The following TNC variants were observed in gnomAD, a reference collection of about 807,000 sequenced individuals.
The protein encoded by TNC is tenascin C, also known as tenascin.
A neutral mutation model predicts 202.4 loss-of-function variants in TNC; 109 were observed. That is an observed-to-expected ratio of 0.54 (90% CI 0.46 to 0.63). The LOEUF (loss-of-function observed/expected upper bound fraction) is 0.63, where lower values mean the gene tolerates loss of function less well. TNC is among the 30% of genes least tolerant of loss of function. TNC has a pLI of 0.00. For synonymous variants in TNC, 1,007 were observed against 1,089.7 expected, an observed-to-expected ratio of 0.92 and a Z score of 1.50; for missense variants, 2,756 against 2,833.3, an observed-to-expected ratio of 0.97 and a Z score of 0.62.
chr9:115,058,163 G>A (rs559860973), intron 14 of TNC, among the ~76,000 whole-genome samples: 95 of 152,306 alleles, frequency 6.2e-4, no homozygotes, highest in African/African-American at 2.1e-3. Flanking sequence ...CCCTTTCAGC[G>A]AAGAAATAAC....
chr9:115,084,023 G>C (rs537814280), intron 4 of TNC, among the ~76,000 whole-genome samples, 186 bp downstream of exon 4: 1 of 152,344 alleles, frequency 6.6e-6, no homozygotes, highest in East Asian at 1.9e-4. Flanking sequence ...AGGAGAGCAA[G>C]GAGAAAGATT....
At position 115,073,849 on chromosome 9, in the gene TNC, C is replaced by T. The variant is rs777630101; in HGVS notation, c.2968G>A (p.Asp990Asn). The T allele has an allele frequency of 1.1e-5, 18 of 1,610,992 alleles. No homozygotes were observed. The highest frequency in any genetic ancestry group is 1.4e-5 in the Non-Finnish European group (17 of 1,179,988). Residue 990 changes from aspartate to asparagine, a missense_variant, in exon 10 of 28, where the codon GAC becomes AAC. This residue lies in a region of TNC where 2,559 missense variants were observed against 2,546.0 expected (regional missense o/e 1.01). Coordinates refer to ENST00000350763, the MANE Select transcript of TNC (RefSeq NM_002160.4). ...NAATELDTPK[D>N]LQVSETAETS... Reference sequence around the variant, plus strand: ...TCTGCAGTTTCAGAAACCTGAAGGTCCTTGGGCGTGTCCAACTCTGGGAGG... The same window carrying T: ...TCTGCAGTTTCAGAAACCTGAAGGTTCTTGGGCGTGTCCAACTCTGGGAGG...
At chr9:115,040,014 A>G (rs564025649) in intron 19 of TNC, among the ~76,000 whole-genome samples, 1 of 152,360 alleles carries the variant, frequency 6.6e-6, no homozygotes, top group Admixed American at 6.5e-5. Flanking sequence ...AATGAGTTGG[A>G]CTGGATAATT....
intron 1 of TNC, among the ~76,000 whole-genome samples, chr9:115,099,263 T>A (rs1588209633): frequency 6.6e-6 from 1 of 152,096 alleles, no homozygotes; most frequent in Non-Finnish European, 1.5e-5. Context: ...CTAGTGGTGG[T>A]GGGGTGTTTC....
In TNC at chr9:115,087,089, C is replaced by T; in HGVS notation, c.642G>A (p.Glu214=). Residue 214 remains glutamate, a synonymous_variant, in exon 3 of 28, where the codon GAG becomes GAA. Transcript: ENST00000350763. ...QCICDDGFTG[E]DCSQLACPSD... ...TGGGGCAAGCCAGCTGGCTGCAGTC[C>T]TCGCCCGTGAAGCCGTCGTCACAGA... 1 of 1,614,084 alleles carries T rather than the reference C, an allele frequency of 6.2e-7. No individual in the cohort carries two copies. The highest frequency in any genetic ancestry group is 2.2e-5 in the East Asian group (1 of 44,888).
rs1243544699 is a variant in TNC, at chr9:115,064,024, A to G, written c.3532T>C (p.Trp1178Arg). The change falls in exon 12 of 28, where the codon TGG (tryptophan) becomes CGG (arginine). Residue 1178 changes from tryptophan (W) to arginine (R), a missense_variant. Trp to Arg is a moderately radical substitution (Grantham distance 101). Around this residue, in one of 2 missense-constraint regions of TNC, gnomAD observed 2,559 missense variants for 2,546.0 expected, o/e 1.01. Coordinates refer to ENST00000350763, the MANE Select transcript of TNC (RefSeq NM_002160.4). ...GTCCAGTTGAGTTTGAGGGCATCCCAGCCCACCTCGGCCACCACGACCTCT... is the reference window on the plus strand; with the variant it reads ...GTCCAGTTGAGTTTGAGGGCATCCCGGCCCACCTCGGCCACCACGACCTCT... ...LGEVVVAEVG[W>R]DALKLNWTAP... The G allele has an allele frequency of 6.2e-7, 1 of 1,613,556 alleles. No individual in the cohort carries two copies. The highest frequency in any genetic ancestry group is 1.3e-5 in the African/African-American group (1 of 75,040).
At chr9:115,047,649 T>A (rs1379661215) in intron 16 of TNC, among the ~76,000 whole-genome samples, 3 of 152,196 alleles carry the variant, frequency 2.0e-5, no homozygotes, top group Non-Finnish European at 4.4e-5. Flanking sequence ...TTGAACATTC[T>A]GTGGAGCTAG....
Position 115,090,936 on chromosome 9 carries a change from A to G in TNC, c.83T>C (p.Val28Ala), listed in dbSNP as rs779071849. 6.2e-7 allele frequency: 1 copy of G among 1,614,130 alleles called. No individual in the cohort carries two copies. The highest frequency in any genetic ancestry group is 1.1e-5 in the South Asian group (1 of 91,080). Reference sequence around the variant, plus strand: ...CCCACTCTGTCGCTTGTGCCGGATGACTTTCTTGAGGACCCCACCTTCGGT... The same window carrying G: ...CCCACTCTGTCGCTTGTGCCGGATGGCTTTCTTGAGGACCCCACCTTCGGT... ...LATEGGVLKK[V>A]IRHKRQSGVN... Residue 28 changes from valine (V) to alanine (A), a missense_variant, in exon 2 of 28, where the codon GTC becomes GCC. Physicochemically the swap from Val to Ala is moderately conservative, Grantham distance 64. Coordinates refer to ENST00000350763, the MANE Select transcript of TNC (RefSeq NM_002160.4).
chr9:115,046,967 GGCC>G (rs1831246765), intron 16 of TNC, among the ~76,000 whole-genome samples: 1 of 152,142 alleles, frequency 6.6e-6, no homozygotes, highest in African/African-American at 2.4e-5. Context: ...ACTCAGCATT[GGCC>G]CGTCCCACAT....
At chr9:115,081,482 C>A (rs547928349) in intron 6 of TNC, among the ~76,000 whole-genome samples, 2 of 152,110 alleles carry the variant, frequency 1.3e-5, no homozygotes, top group East Asian at 1.9e-4. Flanking sequence ...AGAGGCTCTG[C>A]GAAACAGAAA....
chr9:115,029,292 G>A, intron 25 of TNC, 68 bp downstream of exon 25: 1 of 1,414,070 alleles, frequency 7.1e-7, no homozygotes, highest in Non-Finnish European at 1.0e-6. Flanking sequence ...AGGTCCCTGT[G>A]GGTTAGGAAA....
rs997926166 is a variant in TNC, at chr9:115,019,720, G to T, written c.*1437C>A. 6.6e-6 allele frequency: 1 copy of T among 152,050 alleles called. No individual in the cohort carries two copies. Among genetic ancestry groups the T allele is most frequent in the Admixed American group, 6.6e-5 (1 of 15,264 alleles). 9.4% of individuals were successfully genotyped at this position (152,050 alleles called of 1,614,324 possible). On this transcript the variant is annotated 3_prime_UTR_variant, in exon 28 of 28. Coordinates refer to ENST00000350763, the MANE Select transcript of TNC (RefSeq NM_002160.4). ...AATATACACCGGGTACCATTCTAAGGGCCTCAAATGGATAACATAATTTAT... is the reference window on the plus strand; with the variant it reads ...AATATACACCGGGTACCATTCTAAGTGCCTCAAATGGATAACATAATTTAT...
rs776487718 is a variant in TNC at position 115,076,071 on chromosome 9, C to T, written c.2911G>A (p.Asp971Asn). Residue 971 changes from aspartate to asparagine, a missense_variant, in exon 9 of 28, where the codon GAC becomes AAC. Asp to Asn is a conservative substitution (Grantham distance 23, BLOSUM62 1). Around this residue, in one of 2 missense-constraint regions of TNC, gnomAD observed 2,559 missense variants for 2,546.0 expected, o/e 1.01. Coordinates refer to ENST00000350763, the MANE Select transcript of TNC (RefSeq NM_002160.4). ...ATGGTCGCTGGATTGCTCTCCTTGT[C>T]TTCCTTCACAGCAGAAACTCCAATC... Reference protein sequence around the residue: ...YGIGVSAVKEDKESNPATINA... With the variant: ...YGIGVSAVKENKESNPATINA... 2.8e-5 allele frequency: 46 copies of T among 1,614,038 alleles called. No individual in the cohort carries two copies. Among genetic ancestry groups the T allele is most frequent in the Non-Finnish European group, 3.7e-5 (44 of 1,180,046 alleles).
intron 12 of TNC, 32 bp downstream of exon 12, chr9:115,063,764 A>T (rs140810321): frequency 5.7e-6 from 9 of 1,590,584 alleles, no homozygotes; most frequent in African/African-American, 1.3e-5. Flanking sequence ...GACAAAGGGG[A>T]GGAAGTGAAT....
chr9:115,072,311 A>C (rs548908953), intron 10 of TNC, among the ~76,000 whole-genome samples: 2 of 152,324 alleles, frequency 1.3e-5, no homozygotes, highest in Non-Finnish European at 2.9e-5. Flanking sequence ...TTGAGAATGG[A>C]AGCCAAGGAC....
At chr9:115,051,311 C>G (rs1451649432) in intron 15 of TNC, among the ~76,000 whole-genome samples, 2 of 151,982 alleles carry the variant, frequency 1.3e-5, no homozygotes, top group African/African-American at 4.8e-5. Context: ...CTTCCAACCC[C>G]GATCACATCT....
In TNC at chr9:115,029,401, T is replaced by C; in HGVS notation, c.6128A>G (p.Tyr2043Cys). 6 of 1,614,170 alleles carry C rather than the reference T, an allele frequency of 3.7e-6. No individual in the cohort carries two copies. Among genetic ancestry groups the C allele is most frequent in the Non-Finnish European group, 5.1e-6 (6 of 1,180,018 alleles). ...TCTGCGGTCCCCAAATCCAGCAGCA[T>C]ATGCCTTCCAGTTTTGGTAGAAGTT... is the stretch of plus-strand genomic sequence containing the variant. Reference protein sequence around the residue: ...RENFYQNWKAYAAGFGDRREE... With the variant: ...RENFYQNWKACAAGFGDRREE... Residue 2043 changes from tyrosine (Y) to cysteine (C), a missense_variant, in exon 25 of 28, where the codon TAT becomes TGT. Transcript: ENST00000350763.
At chr9:115,029,557 C>T in intron 24 of TNC, 101 bp from the exon 25 acceptor site, 2 of 1,175,976 alleles carry the variant, frequency 1.7e-6, no homozygotes, top group South Asian at 1.3e-5. Flanking sequence ...GAGCATCAGG[C>T]TCCATTCTGT....
intron 27 of TNC, 22 bp downstream of exon 27, chr9:115,023,951 T>A (rs1292677365): frequency 6.2e-7 from 1 of 1,608,876 alleles, no homozygotes; most frequent in African/African-American, 1.3e-5. Flanking sequence ...TGGCCTGCTC[T>A]GGGCCCTCAC....
Sources: allele counts gnomAD v4.1 joint callset (sites outside exome capture counted in the v4.1 genomes callset), GRCh38; gene constraint gnomAD v4.1.1; regional missense constraint gnomAD v4.1.1; transcripts MANE v1.5; gene names NCBI Gene and HGNC (gene_info 2026-07-23, HGNC 2026-07-21).